The following ZNF454 variants were observed in gnomAD, a reference collection of about 807,000 sequenced individuals.
ZNF454 encodes the protein zinc finger protein 454.
ZNF454 carries 30 observed loss-of-function variants against 48.2 expected under a neutral mutation model. The ratio of observed to expected loss-of-function variants is 0.62; its 90% CI spans 0.47 to 0.84. The LOEUF is 0.84. Ranked by LOEUF, ZNF454 falls within the 40% of genes least tolerant of loss-of-function variation. The pLI is 0.00. For missense variants in ZNF454, 510 were observed against 623.1 expected (o/e 0.82, Z 1.93); for synonymous variants, 204 against 211.4 (o/e 0.97, Z 0.30).
chr5:178,953,124 CTT>C (rs994529457), intron 4 of ZNF454, among the ~76,000 whole-genome samples: 3 of 126,818 alleles, frequency 2.4e-5, no homozygotes, highest in African/African-American at 8.3e-5. Flanking sequence ...TACCTCTTGA[CTT>C]TTCAGTTTTA....
At chr5:178,986,778 G>A in the ZNF454 span, 3 of 1,610,680 alleles carry the variant, frequency 1.9e-6, no homozygotes, top group Non-Finnish European at 2.5e-6. Flanking sequence ...ACACAGGCTG[G>A]GGCGTCTGCC....
chr5:178,948,101 G>A (rs998311625), intron 4 of ZNF454: 1 of 152,104 alleles, frequency 6.6e-6, no homozygotes, highest in Middle Eastern at 3.4e-3. Context: ...TTCTAGTAGA[G>A]ATGGGGTTTC....
chr5:178,966,879 C>A (rs764822101), downstream of ZNF454, among the ~76,000 whole-genome samples: 2 of 152,138 alleles, frequency 1.3e-5, no homozygotes, highest in African/African-American at 4.8e-5. Flanking sequence ...CCCTGTGAGA[C>A]GATTCATTTG....
intron 4 of ZNF454, among the ~76,000 whole-genome samples, chr5:178,954,327 T>C (rs1759669774): frequency 6.6e-6 from 1 of 152,190 alleles, no homozygotes; most frequent in South Asian, 2.1e-4. Context: ...TTCCTGCCCA[T>C]TGACTCTAGG....
chr5:178,976,495 T>C, the ZNF454 span, among the ~76,000 whole-genome samples: 2 of 151,870 alleles, frequency 1.3e-5, no homozygotes, highest in East Asian at 3.9e-4. Context: ...GGGAGTGAGA[T>C]GGGGTCCTGG....
chr5:178,969,564 C>T (rs1490223824), downstream of ZNF454: 1 of 456,832 alleles, frequency 2.2e-6, no homozygotes, highest in Non-Finnish European at 4.4e-6. Flanking sequence ...GTGCCACCTT[C>T]AGCAGCTCTG....
chr5:178,964,741 A>G lies in ZNF454; in HGVS notation c.337A>G (p.Arg113Gly). Residue 113 changes from arginine to glycine, a missense_variant, in exon 5 of 5, where the codon AGA (arginine) becomes GGA (glycine). Coordinates refer to ENST00000519564, the MANE Select transcript of ZNF454 (RefSeq NM_001178089.3). ...EELDQWTIKE[R>G]FSSSSHWKCA... Reference sequence around the variant, plus strand: ...ATTGGATCAATGGACAATAAAGGAAAGATTCAGTAGCAGTAGTCACTGGAA... The same window carrying G: ...ATTGGATCAATGGACAATAAAGGAAGGATTCAGTAGCAGTAGTCACTGGAA... The G allele has an allele frequency of 6.2e-7, 1 of 1,614,272 alleles. No homozygotes were observed. The highest frequency in any genetic ancestry group is 8.5e-7 in the Non-Finnish European group (1 of 1,180,052).
chr5:178,959,856 C>G (rs376539063), intron 4 of ZNF454, among the ~76,000 whole-genome samples: 1 of 150,748 alleles, frequency 6.6e-6, no homozygotes, highest in Non-Finnish European at 1.5e-5. Flanking sequence ...CCACCCGCCT[C>G]GGCCTCCCAA....
At chr5:178,986,369 T>C in the ZNF454 span, 2 of 1,613,804 alleles carry the variant, frequency 1.2e-6, no homozygotes, top group South Asian at 1.1e-5. Context: ...AAGATGCCGG[T>C]GAGGAGGACG....
chr5:178,947,910 C>G (rs1294355987), intron 4 of ZNF454, among the ~76,000 whole-genome samples: 1 of 152,076 alleles, frequency 6.6e-6, no homozygotes, highest in Non-Finnish European at 1.5e-5. Flanking sequence ...AATTAAATAT[C>G]TCTTTATTTT....
the ZNF454 span, chr5:178,983,640 G>A: frequency 2.8e-5 from 10 of 356,762 alleles, no homozygotes; most frequent in Admixed American, 1.1e-4. Flanking sequence ...GCCTCCTCAC[G>A]TGTACTGAGC....
In ZNF454 at chr5:178,941,435, T is replaced by C. The variant is rs1478584011; in HGVS notation, c.-117T>C. On this transcript the variant is annotated 5_prime_UTR_variant, in exon 1 of 5. Transcript: ENST00000519564. This position sits in a 1 kb window ranked among gnomAD's most constrained non-coding sequence, Gnocchi z 5.5. ...AGGACGCTGATCGAATGCCCCAAAC[T>C]TCCCGGAATGTATGTCTGAGATTTG... 2 of 455,872 alleles carry C rather than the reference T, an allele frequency of 4.4e-6. No homozygotes were observed. Among genetic ancestry groups the C allele is most frequent in the Admixed American group, 4.7e-5 (2 of 42,418 alleles). The allele number at this position is 455,872 out of a possible 1,614,324, so 28.2% of individuals were successfully genotyped here.
chr5:178,985,488 G>T, the ZNF454 span: 2 of 342,720 alleles, frequency 5.8e-6, no homozygotes, highest in Non-Finnish European at 1.1e-5. Context: ...CGGATCACGA[G>T]GTCAGGAGAT....
intron 4 of ZNF454, among the ~76,000 whole-genome samples, chr5:178,958,613 G>A (rs1035592404): frequency 6.6e-6 from 1 of 152,198 alleles, no homozygotes; most frequent in Non-Finnish European, 1.5e-5. Context: ...AGCTAGGAGT[G>A]CTATGATTAT....
At chr5:178,984,999 G>A in the ZNF454 span, among the ~76,000 whole-genome samples, 18 of 152,078 alleles carry the variant, frequency 1.2e-4, no homozygotes, top group African/African-American at 4.1e-4. Flanking sequence ...TTGTCTCCAA[G>A]GCTGTAATAA....
At chr5:178,977,749 A>G in the ZNF454 span, among the ~76,000 whole-genome samples, 1 of 151,936 alleles carries the variant, frequency 6.6e-6, no homozygotes, top group Non-Finnish European at 1.5e-5. Flanking sequence ...TTGTGTTTTT[A>G]GTAGAGATGG....
chr5:178,987,560 CAT>C, the ZNF454 span: 351 of 420,914 alleles, frequency 8.3e-4, 5 homozygotes, highest in South Asian at 6.0e-3. Flanking sequence ...GCCAGTCACA[CAT>C]GCGCAAATAC....
Position 178,959,715 on chromosome 5 carries a change from G to C in ZNF454, c.251-4940G>C, listed in dbSNP as rs545335456. 2.3e-4 allele frequency among the ~76,000 whole-genome samples: 34 copies of C among 150,812 alleles called. No homozygotes were observed. The East Asian group carries it at 4.6e-3, about 20-fold the overall frequency. Reference sequence around the variant, plus strand: ...CCACCTCCTGGGTTCACGCCATTCTGCTGCCTCATCCTCCTGAGTAGCTGG... The same window carrying C: ...CCACCTCCTGGGTTCACGCCATTCTCCTGCCTCATCCTCCTGAGTAGCTGG... On this transcript the variant is annotated intron_variant, in intron 4 of 4. Coordinates refer to ENST00000519564, the MANE Select transcript of ZNF454 (RefSeq NM_001178089.3).
At chr5:178,969,150 C>T (rs925889719), downstream of ZNF454, among the ~76,000 whole-genome samples, 1 of 152,186 alleles carries the variant, frequency 6.6e-6, no homozygotes, top group African/African-American at 2.4e-5. Context: ...GGATGACGAG[C>T]TCACTGCACG....
Sources: allele counts gnomAD v4.1 joint callset (sites outside exome capture counted in the v4.1 genomes callset), GRCh38; gene constraint gnomAD v4.1.1; non-coding constraint Gnocchi (gnomAD v3.1); transcripts MANE v1.5; gene names NCBI Gene and HGNC (gene_info 2026-07-23, HGNC 2026-07-21).